KCNA6: variants seen among roughly 807,000 people sequenced by gnomAD.
KCNA6 encodes human brain potassium channel-2.
KCNA6 carries 17 observed loss-of-function variants against 29.5 expected under a neutral mutation model. The ratio of observed to expected loss-of-function variants is 0.58; its 90% confidence interval spans 0.39 to 0.86. The LOEUF (loss-of-function observed/expected upper bound fraction) is 0.86, where lower values mean the gene tolerates loss of function less well. KCNA6 is among the 40% of genes least tolerant of loss of function. The probability of loss-of-function intolerance (pLI) is 0.00; values close to 1 mark genes in which losing one functional copy is unlikely to be tolerated. For missense variants in KCNA6, 450 were observed against 703.4 expected (o/e 0.64, Z 4.07); for synonymous variants, 296 against 304.7 (o/e 0.97, Z 0.30).
chr12:4,839,512 A>G, the KCNA6 span, among the ~76,000 whole-genome samples: 2 of 152,204 alleles, frequency 1.3e-5, no homozygotes, highest in Non-Finnish European at 2.9e-5. Context: ...AGTCGACAGT[A>G]GGTTATTAGT....
At chr12:4,820,546 A>AACACACACACACACACACACAC in the KCNA6 span, among the ~76,000 whole-genome samples, 30 of 134,760 alleles carry the variant, frequency 2.2e-4, no homozygotes, top group Non-Finnish European at 3.3e-4. Flanking sequence ...GGATTACCTA[A>AACACACACACACACACACACAC]ACACACACAC....
At chr12:4,843,238 T>A in the KCNA6 span, among the ~76,000 whole-genome samples, 1 of 151,600 alleles carries the variant, frequency 6.6e-6, no homozygotes, top group East Asian at 1.9e-4. Flanking sequence ...TGGAGTGCAG[T>A]GGCGCGATCT....
At chr12:4,838,144 G>A in the KCNA6 span, among the ~76,000 whole-genome samples, 1 of 152,152 alleles carries the variant, frequency 6.6e-6, no homozygotes, top group African/African-American at 2.4e-5. Flanking sequence ...GCACCCCCTT[G>A]ACCCTCTCCC....
At chr12:4,818,399 A>T (rs1421836309), downstream of KCNA6, among the ~76,000 whole-genome samples, 2 of 152,236 alleles carry the variant, frequency 1.3e-5, no homozygotes, top group Admixed American at 6.5e-5. Flanking sequence ...GGGGCAAGTT[A>T]TGAAACAGTT....
At chr12:4,848,913 A>C in the KCNA6 span, among the ~76,000 whole-genome samples, 1 of 151,942 alleles carries the variant, frequency 6.6e-6, no homozygotes, top group Non-Finnish European at 1.5e-5. Context: ...CAGGAGATCG[A>C]GATTGAGACC....
At chr12:4,835,133 GA>G in the KCNA6 span, among the ~76,000 whole-genome samples, 3 of 126,748 alleles carry the variant, frequency 2.4e-5, no homozygotes, top group African/African-American at 8.5e-5. Context: ...AACAGAGAAT[GA>G]TTTTTTTTTT....
At chr12:4,829,033 T>G in the KCNA6 span, among the ~76,000 whole-genome samples, 1 of 152,200 alleles carries the variant, frequency 6.6e-6, no homozygotes, top group Non-Finnish European at 1.5e-5. Flanking sequence ...TGCAAGTGTT[T>G]GTATAATTTT....
At chr12:4,841,429 A>T in the KCNA6 span, among the ~76,000 whole-genome samples, 1 of 152,232 alleles carries the variant, frequency 6.6e-6, no homozygotes, top group East Asian at 1.9e-4. Flanking sequence ...AGCACAAAGC[A>T]TAGTTGTTAA....
the KCNA6 span, among the ~76,000 whole-genome samples, chr12:4,848,922 C>T: frequency 6.6e-6 from 1 of 151,908 alleles, no homozygotes; most frequent in Non-Finnish European, 1.5e-5. Flanking sequence ...GAGATTGAGA[C>T]CATCCTGGCC....
chr12:4,846,697 G>C, the KCNA6 span, among the ~76,000 whole-genome samples: 1 of 151,268 alleles, frequency 6.6e-6, no homozygotes, highest in African/African-American at 2.4e-5. Flanking sequence ...CTTGACTTCT[G>C]GGGCCACTCT....
chr12:4,811,884 A>T lies in KCNA6; in HGVS notation c.*253A>T, dbSNP rs1946635729. ...CACCCAATCATGCCCAGCTTCTGTC[A>T]TATGAATGAGATATACATTTATGTC... On this transcript the variant is annotated 3_prime_UTR_variant, in exon 1 of 1. Transcript: ENST00000280684. The surrounding 1 kb of genome is among the most constrained non-coding windows in gnomAD (Gnocchi z 7.1). The T allele has an allele frequency of 7.7e-6, 4 of 517,176 alleles. No individual in the cohort carries two copies. In the South Asian group the frequency reaches 1.2e-4, roughly 15 times the overall value. 32.0% of individuals were successfully genotyped at this position (517,176 alleles called of 1,614,324 possible). A position where few individuals can be genotyped will look rare whatever the true frequency, so the allele number is the denominator to read the frequency against.
At position 4,810,278 on chromosome 12, in the gene KCNA6, C is replaced by G; in HGVS notation, c.237C>G (p.Pro79=). 3 of 1,614,058 alleles carry G rather than the reference C, an allele frequency of 1.9e-6. No homozygotes were observed. The highest frequency in any genetic ancestry group is 2.5e-6 in the Non-Finnish European group (3 of 1,180,042). The stretch of plus-strand genomic sequence containing the variant: ...GCCGGCGAGTCCGCTTCTTCGACCC[C>G]CTGAGGAACGAGTACTTCTTCGACC... The change falls in exon 1 of 1, where the codon CCC becomes CCG. Residue 79 remains proline (P), a synonymous_variant. Transcript: ENST00000280684. This position sits in a 1 kb window ranked among gnomAD's most constrained non-coding sequence, Gnocchi z 7.5.
chr12:4,831,689 G>A, the KCNA6 span, among the ~76,000 whole-genome samples: 2 of 152,220 alleles, frequency 1.3e-5, no homozygotes, highest in African/African-American at 4.8e-5. Context: ...TTGGAGTCCA[G>A]TGTGTTAATT....
chr12:4,815,813 G>T (rs1018301069), downstream of KCNA6, among the ~76,000 whole-genome samples: 1 of 152,226 alleles, frequency 6.6e-6, no homozygotes. Flanking sequence ...CAGGCAGTCC[G>T]CAAGGAGAAT....
At chr12:4,846,117 ACT>A in the KCNA6 span, among the ~76,000 whole-genome samples, 1 of 151,854 alleles carries the variant, frequency 6.6e-6, no homozygotes, top group Non-Finnish European at 1.5e-5. Flanking sequence ...TTTTTAAATA[ACT>A]CTGTGCATGA....
chr12:4,816,252 GT>G (rs1946680940), downstream of KCNA6, among the ~76,000 whole-genome samples: 1 of 5,630 alleles, frequency 1.8e-4, no homozygotes, highest in East Asian at 0.062. Flanking sequence ...ACGAACTGGT[GT>G]GTGTGTGTGT....
downstream of KCNA6, among the ~76,000 whole-genome samples, chr12:4,817,486 G>T (rs1251662745): frequency 6.6e-6 from 1 of 152,182 alleles, no homozygotes; most frequent in Non-Finnish European, 1.5e-5. Context: ...AGTTCACCCT[G>T]CCTCTTGGTC....
the KCNA6 span, among the ~76,000 whole-genome samples, chr12:4,840,195 T>TCTA: frequency 0.53 from 79,893 of 150,204 alleles, 21,939 homozygotes; most frequent in Non-Finnish European, 0.58. Context: ...ATGATGATTA[T>TCTA]TATCTATCTA....
the KCNA6 span, among the ~76,000 whole-genome samples, chr12:4,820,055 G>T: frequency 6.6e-6 from 1 of 152,008 alleles, no homozygotes. Flanking sequence ...AGAAAGGCAG[G>T]GTCCCTGCCA....
Sources: gnomAD v4.1 joint callset for allele counts (sites outside exome capture counted in the v4.1 genomes callset) on GRCh38, gnomAD v4.1.1 for gene constraint, Gnocchi (gnomAD v3.1) non-coding constraint, MANE v1.5 for transcripts, NCBI Gene and HGNC (gene_info 2026-07-23, HGNC 2026-07-21) for gene names.